Variants in SMARCC1 observed in about 807,000 individuals in gnomAD.
SMARCC1 encodes the protein SWI/SNF complex subunit SMARCC1.
SMARCC1 carries 43 observed loss-of-function variants against 147.4 expected under a neutral mutation model. That is an observed-to-expected ratio of 0.29 (90% confidence interval 0.23 to 0.38). SMARCC1 has a LOEUF of 0.38. Among genes scored for constraint, SMARCC1 ranks in the 10% least tolerant of loss-of-function variants. The pLI is 1.00. For missense variants in SMARCC1, 1,119 were observed against 1,381.1 expected (o/e 0.81, Z 3.01); for synonymous variants, 495 against 484.4 (o/e 1.02, Z -0.29).
At chr3:47,717,761 T>C (rs1172936069) in intron 7 of SMARCC1, among the ~76,000 whole-genome samples, 1 of 151,924 alleles carries the variant, frequency 6.6e-6, no homozygotes, top group Non-Finnish European at 1.5e-5. Flanking sequence ...GAGACAAGGT[T>C]TCACCACGTT....
intron 1 of SMARCC1, among the ~76,000 whole-genome samples, chr3:47,775,844 A>G (rs1426441029): frequency 6.6e-6 from 1 of 151,756 alleles, no homozygotes; most frequent in Admixed American, 6.6e-5. Flanking sequence ...ATGTACCCAC[A>G]AAAATTAAAA....
At chr3:47,642,807 A>G (rs1287374338) in intron 21 of SMARCC1, among the ~76,000 whole-genome samples, 2 of 152,154 alleles carry the variant, frequency 1.3e-5, no homozygotes, top group African/African-American at 4.8e-5. Context: ...GCAATTTGGG[A>G]GGCAGAGGCA....
intron 2 of SMARCC1, 61 bp downstream of exon 2, chr3:47,772,756 C>A: frequency 7.0e-7 from 1 of 1,435,484 alleles, no homozygotes; most frequent in Non-Finnish European, 9.4e-7. Context: ...AAGCTGGATG[C>A]TACACCTAAA....
At chr3:47,769,462 C>T (rs971743901) in intron 2 of SMARCC1, among the ~76,000 whole-genome samples, 4 of 151,554 alleles carry the variant, frequency 2.6e-5, no homozygotes, top group Admixed American at 1.3e-4. Context: ...CTCCTGACCT[C>T]GTGATCCGCC....
intron 21 of SMARCC1, among the ~76,000 whole-genome samples, chr3:47,652,400 T>C (rs2033201462): frequency 6.6e-6 from 1 of 152,176 alleles, no homozygotes; most frequent in Non-Finnish European, 1.5e-5. Context: ...CAGCATTATA[T>C]TTCCCATAGT....
At chr3:47,702,322 C>T (rs892196199) in intron 10 of SMARCC1, among the ~76,000 whole-genome samples, 1 of 149,662 alleles carries the variant, frequency 6.7e-6, no homozygotes, top group African/African-American at 2.4e-5. Context: ...TAACATGATT[C>T]ATACAGAGAG....
At chr3:47,769,206 G>A (rs1219533570) in intron 2 of SMARCC1, among the ~76,000 whole-genome samples, 31 of 66,480 alleles carry the variant, frequency 4.7e-4, no homozygotes, top group African/African-American at 1.5e-3. Flanking sequence ...GCGAGACTCC[G>A]TCTCAAAAAA....
At chr3:47,775,162 T>C (rs1175718397) in intron 1 of SMARCC1, among the ~76,000 whole-genome samples, 3 of 150,484 alleles carry the variant, frequency 2.0e-5, no homozygotes, top group South Asian at 2.1e-4. Flanking sequence ...CTCAACATAG[T>C]ACTTTTTTTT....
intron 21 of SMARCC1, among the ~76,000 whole-genome samples, chr3:47,639,685 G>T (rs2033023857): frequency 6.6e-6 from 1 of 151,960 alleles, no homozygotes; most frequent in South Asian, 2.1e-4. Flanking sequence ...CTGCACTCCG[G>T]CCTGGGAGAC....
At chr3:47,672,092 G>T (rs1340648616) in intron 18 of SMARCC1, among the ~76,000 whole-genome samples, 1 of 152,104 alleles carries the variant, frequency 6.6e-6, no homozygotes, top group Non-Finnish European at 1.5e-5. Flanking sequence ...TTGAACTAAA[G>T]AATAAACAGT....
intron 26 of SMARCC1, among the ~76,000 whole-genome samples, chr3:47,606,511 G>C (rs2032479220): frequency 1.3e-5 from 2 of 152,152 alleles, no homozygotes; most frequent in Admixed American, 1.3e-4. Context: ...CTCATTTAGG[G>C]AAGAAAGTAG....
At chr3:47,637,694 AGAGT>A (rs781053057) in intron 22 of SMARCC1, among the ~76,000 whole-genome samples, 2 of 146,108 alleles carry the variant, frequency 1.4e-5, no homozygotes, top group African/African-American at 2.5e-5. Flanking sequence ...CCTGTGCGAC[AGAGT>A]GAGACTCTGT....
intron 24 of SMARCC1, among the ~76,000 whole-genome samples, chr3:47,634,789 A>G (rs948942575): frequency 2.6e-5 from 4 of 152,360 alleles, no homozygotes; most frequent in African/African-American, 9.6e-5. Flanking sequence ...ATCAGGGTGA[A>G]GTATTTAGGC....
chr3:47,615,933 C>T (rs1486078492), intron 25 of SMARCC1, among the ~76,000 whole-genome samples: 1 of 152,214 alleles, frequency 6.6e-6, no homozygotes, highest in Non-Finnish European at 1.5e-5. Flanking sequence ...ATCCACCTGC[C>T]TCATCCTCCC....
intron 21 of SMARCC1, among the ~76,000 whole-genome samples, chr3:47,639,715 AAACCAACC>A (rs58771135): frequency 8.1e-4 from 120 of 148,400 alleles, no homozygotes; most frequent in Middle Eastern, 3.5e-3. Context: ...CTACATCTCA[AAACCAACC>A]AACCAACCAA....
intron 11 of SMARCC1, 31 bp from the exon 12 acceptor site, chr3:47,693,331 T>C: frequency 1.5e-6 from 2 of 1,325,116 alleles, no homozygotes; most frequent in Non-Finnish European, 2.2e-6. Flanking sequence ...GTTATGTTTA[T>C]GTGGGAAAAG....
At chr3:47,633,463 G>A (rs2032919659) in intron 24 of SMARCC1, among the ~76,000 whole-genome samples, 1 of 151,912 alleles carries the variant, frequency 6.6e-6, no homozygotes, top group Non-Finnish European at 1.5e-5. Context: ...AATGCGAGAG[G>A]CCGGGCATGG....
chr3:47,588,445 A>C (rs1035404615), intron 27 of SMARCC1, 139 bp from the exon 28 acceptor site: 5 of 734,772 alleles, frequency 6.8e-6, no homozygotes, highest in Non-Finnish European at 1.2e-5. Context: ...CATTGATTCC[A>C]CTGTGGTCTA....
At chr3:47,741,077 T>C (rs1457193316) in intron 3 of SMARCC1, among the ~76,000 whole-genome samples, 1 of 152,038 alleles carries the variant, frequency 6.6e-6, no homozygotes, top group Non-Finnish European at 1.5e-5. Context: ...ACTAAGCTTC[T>C]ACCACCAGTT....
Sources: allele counts gnomAD v4.1 joint callset (sites outside exome capture counted in the v4.1 genomes callset), GRCh38; gene constraint gnomAD v4.1.1; transcripts MANE v1.5; gene names NCBI Gene and HGNC (gene_info 2026-07-23, HGNC 2026-07-21).